SPEN: variants seen among roughly 807,000 people sequenced by gnomAD.
The protein encoded by SPEN is msx2-interacting protein.
A neutral mutation model predicts 269.9 loss-of-function variants in SPEN; 18 were observed. The ratio of observed to expected loss-of-function variants is 0.07; its 90% confidence interval spans 0.05 to 0.10. The LOEUF (loss-of-function observed/expected upper bound fraction) is 0.10, where lower values mean the gene tolerates loss of function less well. Ranked by LOEUF, SPEN falls within the 10% of genes least tolerant of loss-of-function variation. The pLI is 1.00. For synonymous variants in SPEN, 1,726 were observed against 1,765.7 expected (o/e 0.98, Z 0.56); for missense variants, 3,822 against 4,631.2 (o/e 0.83, Z 5.07).
Position 15,873,787 on chromosome 1 carries a change from A to G in SPEN, c.404+651A>G, listed in dbSNP as rs540658428. The G allele has an allele frequency of 6.9e-6, 7 of 1,017,728 alleles. No individual in the cohort carries two copies. In the African/African-American group the frequency reaches 8.6e-5, roughly 12 times the overall value. 63.0% of individuals were successfully genotyped at this position (1,017,728 alleles called of 1,614,324 possible). A position where few individuals can be genotyped will look rare whatever the true frequency, so the allele number is the denominator to read the frequency against. On this transcript the variant is annotated intron_variant, in intron 2 of 14. Coordinates refer to ENST00000375759, the MANE Select transcript of SPEN (RefSeq NM_015001.3). Reference sequence around the variant, plus strand: ...TTTGATGGAATGGGGAAAAATTAAAATGATGGATGTTTCCTAAATCCTGGA... The same window carrying G: ...TTTGATGGAATGGGGAAAAATTAAAGTGATGGATGTTTCCTAAATCCTGGA...
At chr1:15,908,427 C>CT (rs548696560) in intron 3 of SPEN, among the ~76,000 whole-genome samples, 9,498 of 147,194 alleles carry the variant, frequency 0.065, 336 homozygotes, top group South Asian at 0.16. Context: ...TTCTTTAATT[C>CT]TTTTTTTTTT....
intron 2 of SPEN, chr1:15,874,487 C>A: frequency 1.0e-6 from 1 of 976,252 alleles, no homozygotes; most frequent in Non-Finnish European, 1.4e-6. Context: ...GTATTTAGTA[C>A]TAATAGTGAA....
intron 1 of SPEN, among the ~76,000 whole-genome samples, chr1:15,865,972 G>A (rs556210885): frequency 6.6e-6 from 1 of 151,762 alleles, no homozygotes; most frequent in Non-Finnish European, 1.5e-5. Flanking sequence ...CTGAGTTCAA[G>A]TGATTCAGGA....
chr1:15,898,209 G>GTA (rs2070861488), intron 3 of SPEN, among the ~76,000 whole-genome samples: 1 of 142,676 alleles, frequency 7.0e-6, no homozygotes, highest in South Asian at 2.3e-4. Context: ...GTGTGTGTGT[G>GTA]TAAAATAAAA....
In SPEN at chr1:15,933,436, C is replaced by G; in HGVS notation, c.7196C>G (p.Thr2399Ser). The change falls in exon 11 of 15, where the codon ACT (threonine) becomes AGT (serine). Residue 2399 changes from threonine (T) to serine (S), a missense_variant. This residue lies in a region of SPEN where 727 missense variants were observed against 737.9 expected (regional missense o/e 0.99). Transcript: ENST00000375759. The surrounding 1 kb of genome is among the most constrained non-coding windows in gnomAD (Gnocchi z 5.7). ...CATTCCACTCCTCCTCAGTCATGTA[C>G]TTCTGACCTAAGCAAGATTCCCTCC... is the stretch of plus-strand genomic sequence containing the variant. Reference protein sequence around the residue: ...KPHSTPPQSCTSDLSKIPSTE... With the variant: ...KPHSTPPQSCSSDLSKIPSTE... The G allele has an allele frequency of 1.9e-6, 3 of 1,614,160 alleles. No homozygotes were observed. The highest frequency in any genetic ancestry group is 2.5e-6 in the Non-Finnish European group (3 of 1,180,032).
intron 5 of SPEN, 63 bp downstream of exon 5, chr1:15,911,364 T>C: frequency 7.4e-7 from 1 of 1,356,598 alleles, no homozygotes; most frequent in East Asian, 2.3e-5. Flanking sequence ...TTGCAGTGTA[T>C]GAGAGGGCAG....
Position 15,920,995 on chromosome 1 carries a change from G to A in SPEN, c.1749+12G>A. 1 of 1,536,694 alleles carries A rather than the reference G, an allele frequency of 6.5e-7. No homozygotes were observed. The highest frequency in any genetic ancestry group is 9.0e-7 in the Non-Finnish European group (1 of 1,114,306). On this transcript the variant is annotated intron_variant, in intron 9 of 14. Coordinates refer to ENST00000375759, the MANE Select transcript of SPEN (RefSeq NM_015001.3). ...GGAATAAAATTAAGGTGTGCAGAAT[G>A]ACTTTAAACAGAAGCAAAACAAAGT...
intron 1 of SPEN, among the ~76,000 whole-genome samples, chr1:15,862,725 G>C (rs2070459927): frequency 6.6e-6 from 1 of 151,302 alleles, no homozygotes; most frequent in African/African-American, 2.4e-5. Flanking sequence ...TTTTTTCGGT[G>C]AAGTGCGGGT....
chr1:15,853,085 C>T (rs988106014), intron 1 of SPEN, among the ~76,000 whole-genome samples: 4 of 152,214 alleles, frequency 2.6e-5, no homozygotes, highest in Admixed American at 2.6e-4. Context: ...CTCCTGGGCT[C>T]AAGTGATCCT....
At chr1:15,877,945 G>A (rs1055932081) in intron 3 of SPEN, among the ~76,000 whole-genome samples, 11 of 151,066 alleles carry the variant, frequency 7.3e-5, no homozygotes, top group Admixed American at 2.6e-4. Context: ...GGGTTTTACC[G>A]TGTTGGCCAG....
At chr1:15,890,546 A>T (rs2070778469) in intron 3 of SPEN, among the ~76,000 whole-genome samples, 2 of 128,924 alleles carry the variant, frequency 1.6e-5, no homozygotes, top group African/African-American at 6.2e-5. Flanking sequence ...ATATTTTTAG[A>T]TTTTGACTCA....
intron 1 of SPEN, among the ~76,000 whole-genome samples, chr1:15,868,304 GTC>G (rs2070537587): frequency 6.6e-6 from 1 of 151,828 alleles, no homozygotes; most frequent in African/African-American, 2.4e-5. Context: ...ACTGTGTCCA[GTC>G]TCATTTTAGA....
At chr1:15,897,344 A>G (rs1308892865) in intron 3 of SPEN, among the ~76,000 whole-genome samples, 1 of 148,728 alleles carries the variant, frequency 6.7e-6, no homozygotes, top group Non-Finnish European at 1.5e-5. Context: ...GTACGCCATC[A>G]TGCCTGGCTA....
chr1:15,906,453 C>CTTTTTTTTTT (rs200731520), intron 3 of SPEN, among the ~76,000 whole-genome samples: 26 of 92,540 alleles, frequency 2.8e-4, no homozygotes, highest in African/African-American at 3.5e-4. Context: ...TCTTTCTTTC[C>CTTTTTTTTTT]TTTTTTTTTT....
chr1:15,876,740 G>A (rs140339315), intron 3 of SPEN, 62 bp downstream of exon 3: 1 of 1,209,350 alleles, frequency 8.3e-7, no homozygotes, highest in African/African-American at 1.5e-5. Context: ...TCAACAATCA[G>A]TGGGAATGGT....
chr1:15,908,611 C>T (rs1024539923), intron 3 of SPEN, among the ~76,000 whole-genome samples: 3 of 152,026 alleles, frequency 2.0e-5, no homozygotes, highest in Admixed American at 6.6e-5. Context: ...TTAGTAGAGA[C>T]GGGTTTTCAC....
intron 13 of SPEN, chr1:15,938,494 C>T: frequency 2.2e-6 from 1 of 451,228 alleles, no homozygotes; most frequent in Non-Finnish European, 3.9e-6. Flanking sequence ...TACCTCTAGA[C>T]CCAGAAACAA....
At chr1:15,895,368 C>T (rs2070832281) in intron 3 of SPEN, among the ~76,000 whole-genome samples, 1 of 152,154 alleles carries the variant, frequency 6.6e-6, no homozygotes, top group Admixed American at 6.6e-5. Flanking sequence ...GCTTTCTGTC[C>T]TCATGAATTC....
chr1:15,917,245 A>T (rs187835851), intron 6 of SPEN, among the ~76,000 whole-genome samples: 21 of 152,328 alleles, frequency 1.4e-4, no homozygotes, highest in Admixed American at 1.1e-3. Context: ...TTCTATTAGG[A>T]AGTCTTAATT....
Sources: gnomAD v4.1 joint callset for allele counts (sites outside exome capture counted in the v4.1 genomes callset) on GRCh38, gnomAD v4.1.1 for gene constraint, gnomAD v4.1.1 regional missense constraint, Gnocchi (gnomAD v3.1) non-coding constraint, MANE v1.5 for transcripts, NCBI Gene and HGNC (gene_info 2026-07-23, HGNC 2026-07-21) for gene names.